Variants in SV2B observed in about 807,000 individuals in gnomAD.
SV2B encodes the protein solute carrier family 22 member B2.
A neutral mutation model predicts 73.9 loss-of-function variants in SV2B; 41 were observed. The observed-to-expected ratio is 0.56, with a 90% CI of 0.43 to 0.72. The LOEUF is 0.72. Ranked by LOEUF, SV2B falls within the 30% of genes least tolerant of loss-of-function variation. The probability of loss-of-function intolerance (pLI) is 0.00; values close to 1 mark genes in which losing one functional copy is unlikely to be tolerated. For synonymous variants in SV2B, 314 were observed against 314.2 expected (o/e 1.00, Z 0.01); for missense variants, 764 against 857.8 (o/e 0.89, Z 1.37).
At chr15:91,131,011 C>T (rs374018576) in intron 1 of SV2B, among the ~76,000 whole-genome samples, 25 of 151,396 alleles carry the variant, frequency 1.7e-4, no homozygotes, top group African/African-American at 5.3e-4. Flanking sequence ...AGGGTAGCTA[C>T]GCTGTGGAGG....
At chr15:91,212,116 C>A (rs1596594780) in intron 1 of SV2B, among the ~76,000 whole-genome samples, 1 of 152,146 alleles carries the variant, frequency 6.6e-6, no homozygotes. Flanking sequence ...CTTAGATAAA[C>A]CTATGTTGTG....
chr15:91,134,493 A>C (rs1234922631), intron 1 of SV2B, among the ~76,000 whole-genome samples: 1 of 152,222 alleles, frequency 6.6e-6, no homozygotes, highest in Admixed American at 6.5e-5. Flanking sequence ...TTTAGGATCC[A>C]AACCTGCAAG....
In SV2B at chr15:91,100,350, G is replaced by A. The variant is rs1416749842; in HGVS notation, c.-405G>A. 6.6e-6 allele frequency: 1 copy of A among 152,290 alleles called. No individual in the cohort carries two copies. The highest frequency in any genetic ancestry group is 2.4e-5 in the African/African-American group (1 of 41,472). The allele number at this position is 152,290 out of a possible 1,614,324, so 9.4% of individuals were successfully genotyped here. A position where few individuals can be genotyped will look rare whatever the true frequency, so the allele number is the denominator to read the frequency against. ...CTGCATCCGGAGGCGGCCGCCAGCG[G>A]ATTTGCCACCCAGGTAGGGGACTGC... On this transcript the variant is annotated 5_prime_UTR_variant, in exon 1 of 13. Coordinates refer to ENST00000394232, the MANE Select transcript of SV2B (RefSeq NM_001323032.3). The surrounding 1 kb of genome is among the most constrained non-coding windows in gnomAD (Gnocchi z 6.4).
chr15:91,167,525 A>T (rs2043958019), intron 1 of SV2B, among the ~76,000 whole-genome samples: 1 of 152,228 alleles, frequency 6.6e-6, no homozygotes, highest in East Asian at 1.9e-4. Flanking sequence ...CCCTTTCTCC[A>T]TCTGCAAAAC....
chr15:91,105,415 G>C lies in SV2B; in HGVS notation c.-392+5052G>C, dbSNP rs573333960. Among the ~76,000 whole-genome samples the C allele has an allele frequency of 2.0e-5, 3 of 152,178 alleles. No homozygotes were observed. Among genetic ancestry groups the C allele is most frequent in the African/African-American group, 7.2e-5 (3 of 41,438 alleles). On this transcript the variant is annotated intron_variant, in intron 1 of 12. Transcript: ENST00000394232. The surrounding 1 kb of genome is among the most constrained non-coding windows in gnomAD (Gnocchi z 5.5). ...TAGGGAGAACAGGTGCAAAGGCCCC[G>C]AGGCAACAGATAACTGGCATGTTCC... is the stretch of plus-strand genomic sequence containing the variant.
chr15:91,253,144 A>G lies in SV2B; in HGVS notation c.784+624A>G, dbSNP rs761625785. ...ATTCTCTGGACAGAGACCTGGCAAC[A>G]TCAACTTTTACTACTGGTTTCGTCA... is the stretch of plus-strand genomic sequence containing the variant. On this transcript the variant is annotated intron_variant, in intron 4 of 12. Coordinates refer to ENST00000394232, the MANE Select transcript of SV2B (RefSeq NM_001323032.3). The surrounding 1 kb of genome is among the most constrained non-coding windows in gnomAD (Gnocchi z 5.0). 2.0e-4 allele frequency among the ~76,000 whole-genome samples: 31 copies of G among 152,242 alleles called. No homozygotes were observed. The highest frequency in any genetic ancestry group is 4.0e-4 in the Non-Finnish European group (27 of 68,038).
rs952979438 is a variant in SV2B, at chr15:91,223,925, A to G, written c.-391-1948A>G. Among the ~76,000 whole-genome samples the G allele has an allele frequency of 6.6e-6, 1 of 152,224 alleles. No individual in the cohort carries two copies. The highest frequency in any genetic ancestry group is 1.5e-5 in the Non-Finnish European group (1 of 68,034). ...TGCAGGGCCCTGCCCTATCCTGCAG[A>G]TTCAGTGTCTTTCAGGGAGGGGTCC... is the stretch of plus-strand genomic sequence containing the variant. On this transcript the variant is annotated intron_variant, in intron 1 of 12. Transcript: ENST00000394232. This position sits in a 1 kb window ranked among gnomAD's most constrained non-coding sequence, Gnocchi z 4.6.
chr15:91,225,433 A>G lies in SV2B; in HGVS notation c.-391-440A>G, dbSNP rs8032262. ...CCTCCACTATTGCCAAAGGCTTGAT[A>G]AGTTCTAACAGAAAATCCATAATAC... is the stretch of plus-strand genomic sequence containing the variant. On this transcript the variant is annotated intron_variant, in intron 1 of 12. Transcript: ENST00000394232. Among the ~76,000 whole-genome samples the G allele has an allele frequency of 6.0e-3, 917 of 152,380 alleles. 12 individuals carry two copies. The highest frequency in any genetic ancestry group is 0.021 in the African/African-American group (878 of 41,592).
intron 1 of SV2B, among the ~76,000 whole-genome samples, chr15:91,169,924 C>T (rs1025842450): frequency 4.6e-5 from 7 of 152,096 alleles, no homozygotes; most frequent in Non-Finnish European, 8.8e-5. Flanking sequence ...AAATCAGCGG[C>T]GCAAATAAGA....
At position 91,122,102 on chromosome 15, in the gene SV2B, T is replaced by G. The variant is rs1456316596; in HGVS notation, c.-392+21739T>G. ...TGGTGTTTTAAAAGTAATGCTTGCC[T>G]GTTGACTCCAGGAGTCTGACGCCAA... On this transcript the variant is annotated intron_variant, in intron 1 of 12. Transcript: ENST00000394232. The surrounding 1 kb of genome is among the most constrained non-coding windows in gnomAD (Gnocchi z 4.3). Among the ~76,000 whole-genome samples the G allele has an allele frequency of 6.6e-6, 1 of 152,224 alleles. No individual in the cohort carries two copies. The highest frequency in any genetic ancestry group is 1.5e-5 in the Non-Finnish European group (1 of 68,038).
intron 1 of SV2B, among the ~76,000 whole-genome samples, chr15:91,183,779 A>T (rs573511576): frequency 6.6e-6 from 1 of 152,354 alleles, no homozygotes; most frequent in East Asian, 1.9e-4. Flanking sequence ...AACAAGCCAG[A>T]TCCACATTCA....
In SV2B at chr15:91,136,835, A is replaced by G. The variant is rs2042843942; in HGVS notation, c.-392+36472A>G. On this transcript the variant is annotated intron_variant, in intron 1 of 12. Transcript: ENST00000394232. The surrounding 1 kb of genome is among the most constrained non-coding windows in gnomAD (Gnocchi z 5.6). ...TCCAGAGGTGGGTGGCAGTGATGAA[A>G]CAAGAGGGCAAGCAGCTTTGGCAGG... 6.6e-6 allele frequency among the ~76,000 whole-genome samples: 1 copy of G among 152,092 alleles called. No individual in the cohort carries two copies. Among genetic ancestry groups the G allele is most frequent in the South Asian group, 2.1e-4 (1 of 4,824 alleles).
rs577795266 is a variant in SV2B, at chr15:91,173,786, A to G, written c.-391-52087A>G. ...AACATCAGAATCAAAGTCATCTTGT[A>G]AATCAGCTGGAGAAAATGTTGGGCA... On this transcript the variant is annotated intron_variant, in intron 1 of 12. Transcript: ENST00000394232. 4.6e-5 allele frequency among the ~76,000 whole-genome samples: 7 copies of G among 152,306 alleles called. No individual in the cohort carries two copies. The East Asian group carries it at 1.3e-3, about 29-fold the overall frequency.
chr15:91,270,528 T>C (rs1205069360), intron 9 of SV2B, among the ~76,000 whole-genome samples: 3 of 152,196 alleles, frequency 2.0e-5, no homozygotes, highest in African/African-American at 2.4e-5. Context: ...TATTTTCTCA[T>C]TGGGAAACTC....
chr15:91,138,862 T>A (rs2042920692), intron 1 of SV2B, among the ~76,000 whole-genome samples: 1 of 152,118 alleles, frequency 6.6e-6, no homozygotes, highest in Admixed American at 6.6e-5. Flanking sequence ...TCTGGTTTCA[T>A]CCACAAATAA....
intron 9 of SV2B, among the ~76,000 whole-genome samples, chr15:91,276,190 AT>A (rs1259394376): frequency 6.7e-6 from 1 of 149,960 alleles, no homozygotes; most frequent in Non-Finnish European, 1.5e-5. Flanking sequence ...ATGTAACATG[AT>A]TTTTTTTCTT....
rs1490584987 is a variant in SV2B at position 91,289,163 on chromosome 15, C to T, written c.1709-358C>T. On this transcript the variant is annotated intron_variant, in intron 11 of 12. Transcript: ENST00000394232. The surrounding 1 kb of genome is among the most constrained non-coding windows in gnomAD (Gnocchi z 4.9). Reference sequence around the variant, plus strand: ...GAGGTTTTTGTTTTTGTTTTTTGGCCAATACTGATGTAGCTCAAGCACCTA... The same window carrying T: ...GAGGTTTTTGTTTTTGTTTTTTGGCTAATACTGATGTAGCTCAAGCACCTA... Among the ~76,000 whole-genome samples the T allele has an allele frequency of 6.6e-6, 1 of 152,030 alleles. No homozygotes were observed. Among genetic ancestry groups the T allele is most frequent in the South Asian group, 2.1e-4 (1 of 4,808 alleles).
intron 2 of SV2B, among the ~76,000 whole-genome samples, chr15:91,228,360 A>G (rs966957669): frequency 4.6e-5 from 7 of 152,238 alleles, no homozygotes; most frequent in Admixed American, 1.3e-4. Flanking sequence ...GCTTTTAAGT[A>G]TAAATAATAG....
intron 9 of SV2B, among the ~76,000 whole-genome samples, chr15:91,273,333 T>A (rs987022792): frequency 3.3e-5 from 5 of 152,202 alleles, no homozygotes; most frequent in African/African-American, 4.8e-5. Context: ...AAGCCTAGGA[T>A]TCCACATCAG....
Sources: allele counts gnomAD v4.1 joint callset (sites outside exome capture counted in the v4.1 genomes callset), GRCh38; gene constraint gnomAD v4.1.1; non-coding constraint Gnocchi (gnomAD v3.1); transcripts MANE v1.5; gene names NCBI Gene and HGNC (gene_info 2026-07-23, HGNC 2026-07-21).